ZFHX4: variants seen among roughly 807,000 people sequenced by gnomAD.
The protein encoded by ZFHX4 is zinc finger homeobox protein 4.
Under a neutral mutation model 267.6 loss-of-function variants are expected in ZFHX4, and 56 were observed. That is an observed-to-expected ratio of 0.21 (90% CI 0.17 to 0.26). The LOEUF (loss-of-function observed/expected upper bound fraction) is 0.26, where lower values mean the gene tolerates loss of function less well. Among genes scored for constraint, ZFHX4 ranks in the 10% least tolerant of loss-of-function variants. ZFHX4 has a pLI of 1.00. For synonymous variants in ZFHX4, 1,778 were observed against 1,665.6 expected (o/e 1.07, Z -1.64); for missense variants, 4,332 against 4,420.0 (o/e 0.98, Z 0.56).
intron 1 of ZFHX4, among the ~76,000 whole-genome samples, chr8:76,691,145 G>A (rs1298921012): frequency 6.6e-6 from 1 of 152,040 alleles, no homozygotes; most frequent in African/African-American, 2.4e-5. Flanking sequence ...TTGTGGAGAT[G>A]GTGAAGAGTT....
chr8:76,721,301 T>C (rs746368783), intron 3 of ZFHX4, among the ~76,000 whole-genome samples: 7 of 152,208 alleles, frequency 4.6e-5, no homozygotes, highest in Non-Finnish European at 1.0e-4. Flanking sequence ...GAATTTGCTA[T>C]ATTTGTAGGA....
At position 76,867,141 on chromosome 8, in the gene ZFHX4, C is replaced by T. The variant is rs1325695620; in HGVS notation, c.*2576C>T. The T allele has an allele frequency of 6.6e-6, 1 of 152,468 alleles. No individual in the cohort carries two copies. The highest frequency in any genetic ancestry group is 1.5e-5 in the Non-Finnish European group (1 of 67,982). 9.4% of individuals were successfully genotyped at this position (152,468 alleles called of 1,614,324 possible). ...ACGGTAAATAACATGGTTTTGAAAA[C>T]TTTTTTTTATTTTGTCACAGACCTG... On this transcript the variant is annotated 3_prime_UTR_variant, in exon 11 of 11. Transcript: ENST00000651372.
At chr8:76,728,187 T>A (rs1417170967) in intron 3 of ZFHX4, among the ~76,000 whole-genome samples, 1 of 152,252 alleles carries the variant, frequency 6.6e-6, no homozygotes, top group Admixed American at 6.5e-5. Context: ...AATTATATTA[T>A]CTTCTTAATA....
intron 6 of ZFHX4, among the ~76,000 whole-genome samples, chr8:76,843,515 CTG>C (rs1185601998): frequency 6.6e-6 from 1 of 152,090 alleles, no homozygotes; most frequent in East Asian, 1.9e-4. Flanking sequence ...AAGGCTTTTT[CTG>C]TGTTTGATTT....
At chr8:76,743,042 T>A (rs546601475) in intron 3 of ZFHX4, among the ~76,000 whole-genome samples, 1 of 152,168 alleles carries the variant, frequency 6.6e-6, no homozygotes, top group Non-Finnish European at 1.5e-5. Context: ...AACATTTACA[T>A]ATTCCATTTT....
At chr8:76,749,388 G>T (rs1226477470) in intron 3 of ZFHX4, among the ~76,000 whole-genome samples, 2 of 152,100 alleles carry the variant, frequency 1.3e-5, no homozygotes, top group African/African-American at 2.4e-5. Flanking sequence ...CAAGTAACTT[G>T]TCCCAGATCA....
intron 3 of ZFHX4, among the ~76,000 whole-genome samples, chr8:76,736,177 C>T (rs1239620242): frequency 6.7e-6 from 1 of 150,056 alleles, no homozygotes; most frequent in Non-Finnish European, 1.5e-5. Context: ...TTTAACCTAA[C>T]AACATTTTTC....
At chr8:76,725,790 T>A (rs1808836196) in intron 3 of ZFHX4, among the ~76,000 whole-genome samples, 1 of 152,158 alleles carries the variant, frequency 6.6e-6, no homozygotes, top group African/African-American at 2.4e-5. Context: ...TAAAACATTT[T>A]GCACTGCTAT....
intron 1 of ZFHX4, among the ~76,000 whole-genome samples, chr8:76,688,967 A>G (rs1807759109): frequency 6.6e-6 from 1 of 152,180 alleles, no homozygotes; most frequent in South Asian, 2.1e-4. Flanking sequence ...ATTTTTACAT[A>G]AATTAATGTG....
chr8:76,841,201 C>T lies in ZFHX4; in HGVS notation c.3395-1454C>T, dbSNP rs561317450. Among the ~76,000 whole-genome samples, 5 of 152,244 alleles carry T rather than the reference C, an allele frequency of 3.3e-5. No individual in the cohort carries two copies. In the East Asian group the frequency reaches 9.7e-4, roughly 29 times the overall value. ...AATGTATTAAATGTCCTTGTTTTCC[C>T]TTTAGCTTTTTAGAGTTTCCTATTG... is the stretch of plus-strand genomic sequence containing the variant. On this transcript the variant is annotated intron_variant, in intron 5 of 10. Coordinates refer to ENST00000651372, the MANE Select transcript of ZFHX4 (RefSeq NM_024721.5).
At position 76,705,837 on chromosome 8, in the gene ZFHX4, C is replaced by T; in HGVS notation, c.1749C>T (p.Asp583=). The T allele has an allele frequency of 6.2e-7, 1 of 1,613,928 alleles. No individual in the cohort carries two copies. Residue 583 remains aspartate (D), a synonymous_variant, in exon 2 of 11, where the codon GAC becomes GAT. Transcript: ENST00000651372. The part of the protein sequence containing the change: ...HPSEIARGDE[D]SSATPHQHGF... ...GTGAAATAGCCCGGGGAGACGAAGA[C>T]AGTTCAGCCACTCCTCACCAGCATG...
At chr8:76,811,187 AAGCC>A (rs1370122252) in intron 4 of ZFHX4, among the ~76,000 whole-genome samples, 5 of 152,138 alleles carry the variant, frequency 3.3e-5, no homozygotes, top group African/African-American at 1.2e-4. Flanking sequence ...CACCCATTTA[AAGCC>A]AGAGCCCCAC....
intron 8 of ZFHX4, 33 bp downstream of exon 8, chr8:76,849,745 A>G: frequency 2.5e-6 from 4 of 1,569,814 alleles, no homozygotes; most frequent in Non-Finnish European, 3.5e-6. Flanking sequence ...CATGTGTGAC[A>G]TAATCTGTGT....
At chr8:76,751,467 G>T (rs983081144) in intron 3 of ZFHX4, among the ~76,000 whole-genome samples, 1 of 152,108 alleles carries the variant, frequency 6.6e-6, no homozygotes, top group African/African-American at 2.4e-5. Context: ...TGACACAGTG[G>T]TCTTGGCAAC....
At chr8:76,788,408 A>AT (rs2131799962) in intron 4 of ZFHX4, among the ~76,000 whole-genome samples, 1 of 152,332 alleles carries the variant, frequency 6.6e-6, no homozygotes, top group East Asian at 1.9e-4. Flanking sequence ...AGAACTTAGC[A>AT]TTCAGTTACA....
intron 3 of ZFHX4, among the ~76,000 whole-genome samples, chr8:76,776,709 G>A (rs560460704): frequency 3.5e-4 from 53 of 152,126 alleles, no homozygotes; most frequent in Non-Finnish European, 6.8e-4. Context: ...TTCTATTTCT[G>A]GGAATGGGAA....
chr8:76,738,590 T>G (rs900237553), intron 3 of ZFHX4, among the ~76,000 whole-genome samples: 1 of 151,004 alleles, frequency 6.6e-6, no homozygotes, highest in Non-Finnish European at 1.5e-5. Flanking sequence ...TGTTTCTACT[T>G]TCTTTCTTTT....
chr8:76,855,043 A>C lies in ZFHX4; in HGVS notation c.8122A>C (p.Ser2708Arg). The C allele has an allele frequency of 6.2e-7, 1 of 1,614,006 alleles. No homozygotes were observed. The highest frequency in any genetic ancestry group is 8.5e-7 in the Non-Finnish European group (1 of 1,179,878). ...HWNEGKQAGYSLPPSPLISTE... is the reference protein window; with the variant it reads ...HWNEGKQAGYRLPPSPLISTE... ...GAATGAAGGAAAGCAGGCAGGTTAC[A>C]GCTTGCCACCAAGCCCTTTAATATC... Residue 2708 changes from serine (S) to arginine (R), a missense_variant, in exon 10 of 11, where the codon AGC becomes CGC. Physicochemically the swap from Ser to Arg is moderately radical, Grantham distance 110. Transcript: ENST00000651372.
intron 3 of ZFHX4, among the ~76,000 whole-genome samples, chr8:76,744,166 C>A (rs913818189): frequency 6.6e-6 from 1 of 151,784 alleles, no homozygotes; most frequent in Non-Finnish European, 1.5e-5. Flanking sequence ...ACCAATATGG[C>A]GAAACCCTGT....
Sources: allele counts gnomAD v4.1 joint callset (sites outside exome capture counted in the v4.1 genomes callset), GRCh38; gene constraint gnomAD v4.1.1; transcripts MANE v1.5; gene names NCBI Gene and HGNC (gene_info 2026-07-23, HGNC 2026-07-21).